Variants in OTOGL observed in about 807,000 individuals in gnomAD.
OTOGL encodes otogelin-like protein.
In OTOGL, 285 loss-of-function variants were observed where a neutral mutation model predicts 318.5. That is an observed-to-expected ratio of 0.89 (90% CI 0.81 to 0.99). The LOEUF (loss-of-function observed/expected upper bound fraction) is 0.99. Among genes scored for constraint, OTOGL ranks in the 50% least tolerant of loss-of-function variants. The probability of loss-of-function intolerance (pLI) is 0.00; values close to 1 mark genes in which losing one functional copy is unlikely to be tolerated. For missense variants in OTOGL, 2,899 were observed against 2,845.6 expected, an observed-to-expected ratio of 1.02 and a Z score of -0.43; for synonymous variants, 987 against 936.5, an observed-to-expected ratio of 1.05 and a Z score of -0.99.
At chr12:80,332,841 C>T (rs1333596867) in intron 37 of OTOGL, among the ~76,000 whole-genome samples, 164 bp from the exon 38 acceptor site, 1 of 152,150 alleles carries the variant, frequency 6.6e-6, no homozygotes, top group Non-Finnish European at 1.5e-5. Flanking sequence ...GTTTCCTCAT[C>T]TTCTGTAAAA....
chr12:80,281,894 A>G (rs189801881), intron 26 of OTOGL, among the ~76,000 whole-genome samples: 13 of 151,946 alleles, frequency 8.6e-5, no homozygotes, highest in Non-Finnish European at 1.5e-4. Context: ...TTTTATTGTT[A>G]TTAACTTGGT....
At chr12:80,343,526 T>TTTTTCTTTTTTTTTTTTTTTTTTTTTTTC (rs1555301047) in intron 44 of OTOGL, 1 of 118,160 alleles carries the variant, frequency 8.5e-6, no homozygotes, top group African/African-American at 4.6e-5. Flanking sequence ...TTTTTTTTTT[T>TTTTTCTTTTTTTTTTTTTTTTTTTTTTTC]TTTTTTTTTT....
intron 2 of OTOGL, among the ~76,000 whole-genome samples, 156 bp downstream of exon 2, chr12:80,209,666 G>A (rs1258664116): frequency 1.3e-5 from 2 of 152,208 alleles, no homozygotes; most frequent in African/African-American, 2.4e-5. Flanking sequence ...TCTTAATAAT[G>A]TAGATAATTT....
chr12:80,105,934 G>A (rs998739550), intron 1 of OTOGL, among the ~76,000 whole-genome samples: 5 of 152,106 alleles, frequency 3.3e-5, no homozygotes, highest in Non-Finnish European at 7.4e-5. Flanking sequence ...AACCATTTAC[G>A]GATAAAAACG....
At chr12:80,137,976 G>C (rs1186848867) in intron 1 of OTOGL, among the ~76,000 whole-genome samples, 1 of 152,136 alleles carries the variant, frequency 6.6e-6, no homozygotes. Flanking sequence ...AGACTTAACA[G>C]AAAAATTAAG....
intron 7 of OTOGL, among the ~76,000 whole-genome samples, chr12:80,228,222 C>T (rs1337825361): frequency 6.6e-6 from 1 of 152,148 alleles, no homozygotes; most frequent in Non-Finnish European, 1.5e-5. Context: ...GGTTGGATCA[C>T]TTGAGGTCAG....
chr12:80,286,110 T>A (rs901085250), intron 26 of OTOGL, among the ~76,000 whole-genome samples: 5 of 152,248 alleles, frequency 3.3e-5, no homozygotes, highest in African/African-American at 1.2e-4. Flanking sequence ...GAAGGCCTTT[T>A]CTGCATCTAT....
In OTOGL at chr12:80,229,296, T is replaced by C. The variant is rs762170269; in HGVS notation, c.529T>C (p.Cys177Arg). ...TAAATGCCTTGGTTCGGTGTATTCT[T>C]GTTATCGGTCAATCAGCTTGTTCTT... Reference protein sequence around the residue: ...SPKCLGSVYSCYRSISLFFSN... With the variant: ...SPKCLGSVYSRYRSISLFFSN... Residue 177 changes from cysteine (C) to arginine (R), a missense_variant, in exon 8 of 59, where the codon TGT becomes CGT. Around this residue, in one of 3 missense-constraint regions of OTOGL, gnomAD observed 2,607 missense variants for 2,524.9 expected, o/e 1.03. Transcript: ENST00000547103. 2.5e-6 allele frequency: 4 copies of C among 1,597,134 alleles called. No homozygotes were observed. In the African/African-American group the frequency reaches 4.0e-5, roughly 16 times the overall value.
intron 8 of OTOGL, among the ~76,000 whole-genome samples, chr12:80,232,352 A>T (rs550735644): frequency 1.3e-5 from 2 of 152,312 alleles, no homozygotes; most frequent in Admixed American, 6.5e-5. Context: ...ACAATGACTT[A>T]TGTCAAGGTG....
At chr12:80,318,153 G>T (rs867146596) in intron 32 of OTOGL, among the ~76,000 whole-genome samples, 1 of 151,878 alleles carries the variant, frequency 6.6e-6, no homozygotes, top group Admixed American at 6.6e-5. Context: ...ATTTAGGCCC[G>T]GTCTTAAGTC....
intron 57 of OTOGL, among the ~76,000 whole-genome samples, chr12:80,373,238 C>A (rs568096949): frequency 1.3e-5 from 2 of 152,194 alleles, no homozygotes; most frequent in East Asian, 3.9e-4. Flanking sequence ...TCGAGACCAT[C>A]CTGGCCAACA....
chr12:80,289,658 G>C lies in OTOGL; in HGVS notation c.2929-7169G>C, dbSNP rs778359846. Among the ~76,000 whole-genome samples, 5 of 152,174 alleles carry C rather than the reference G, an allele frequency of 3.3e-5. No individual in the cohort carries two copies. In the East Asian group the frequency reaches 9.6e-4, roughly 29 times the overall value. ...ACTTTGCCACGCTGTGATGTGTTCC[G>C]CCCAGTCCAAACTTCCCAGTGGCTT... On this transcript the variant is annotated intron_variant, in intron 26 of 58. Transcript: ENST00000547103.
intron 24 of OTOGL, among the ~76,000 whole-genome samples, chr12:80,274,176 A>C (rs940099873): frequency 2.0e-5 from 3 of 152,090 alleles, no homozygotes; most frequent in Admixed American, 6.6e-5. Context: ...TTAGTGAGGA[A>C]GGCATATTGA....
At chr12:80,265,279 C>A (rs963633060) in intron 20 of OTOGL, 69 bp downstream of exon 20, 1 of 1,398,262 alleles carries the variant, frequency 7.2e-7, no homozygotes, top group Non-Finnish European at 9.8e-7. Context: ...GTAATGACTG[C>A]TTTTATTTTT....
At chr12:80,279,311 G>T in intron 26 of OTOGL, 145 bp downstream of exon 26, 1 of 869,474 alleles carries the variant, frequency 1.2e-6, no homozygotes, top group Non-Finnish European at 1.7e-6. Context: ...TTTATTTCAG[G>T]TTCGGGGGTA....
intron 1 of OTOGL, among the ~76,000 whole-genome samples, chr12:80,114,677 A>T (rs1592463138): frequency 6.6e-6 from 1 of 151,954 alleles, no homozygotes; most frequent in Non-Finnish European, 1.5e-5. Flanking sequence ...TAGGTTGGGG[A>T]AGTTCTCCTG....
chr12:80,353,224 C>A (rs937744724), intron 45 of OTOGL, 101 bp from the exon 46 acceptor site: 7 of 1,068,922 alleles, frequency 6.5e-6, no homozygotes, highest in Admixed American at 3.7e-5. Flanking sequence ...CTAAAATTTG[C>A]AAAATATATT....
intron 7 of OTOGL, among the ~76,000 whole-genome samples, chr12:80,227,931 T>G (rs1184335490): frequency 6.6e-6 from 1 of 152,298 alleles, no homozygotes; most frequent in East Asian, 1.9e-4. Flanking sequence ...TAATATCATT[T>G]AACATAGTAT....
At chr12:80,266,842 A>G (rs1480498929) in intron 21 of OTOGL, among the ~76,000 whole-genome samples, 2 of 152,170 alleles carry the variant, frequency 1.3e-5, no homozygotes, top group Non-Finnish European at 2.9e-5. Flanking sequence ...AGTCAAATCA[A>G]TAACAAGGTT....
Sources: gnomAD v4.1 joint callset for allele counts (sites outside exome capture counted in the v4.1 genomes callset) on GRCh38, gnomAD v4.1.1 for gene constraint, gnomAD v4.1.1 regional missense constraint, MANE v1.5 for transcripts, NCBI Gene and HGNC (gene_info 2026-07-23, HGNC 2026-07-21) for gene names.